RASA3: variants seen among roughly 807,000 people sequenced by gnomAD.
RASA3 encodes ras GTPase-activating protein 3.
RASA3 carries 73 observed loss-of-function variants against 110.0 expected under a neutral mutation model. The observed-to-expected ratio is 0.66, with a 90% CI of 0.55 to 0.81. The LOEUF (loss-of-function observed/expected upper bound fraction) is 0.81, where lower values mean the gene tolerates loss of function less well. Among genes scored for constraint, RASA3 ranks in the 30% least tolerant of loss-of-function variants. The probability of loss-of-function intolerance (pLI) is 0.00; values close to 1 mark genes in which losing one functional copy is unlikely to be tolerated. For missense variants in RASA3, 976 were observed against 1,113.2 expected, an observed-to-expected ratio of 0.88 and a Z score of 1.75; for synonymous variants, 500 against 451.4, an observed-to-expected ratio of 1.11 and a Z score of -1.37.
At chr13:113,995,877 G>A (rs796503040) in intron 21 of RASA3, among the ~76,000 whole-genome samples, 2 of 45,622 alleles carry the variant, frequency 4.4e-5, no homozygotes, top group Admixed American at 2.1e-4. Context: ...GGGGAGGCCC[G>A]GCTGATGGGG....
chr13:113,991,176 T>C (rs7983910), intron 22 of RASA3, among the ~76,000 whole-genome samples: 203 of 12,008 alleles, frequency 0.017, no homozygotes, highest in African/African-American at 0.085. Context: ...TGGGCAGCTG[T>C]GCGGACACCC....
chr13:114,115,858 T>G lies in RASA3; in HGVS notation c.55+16577A>C, dbSNP rs544432141. On this transcript the variant is annotated intron_variant, in intron 1 of 23. Coordinates refer to ENST00000334062, the MANE Select transcript of RASA3 (RefSeq NM_007368.4). The surrounding 1 kb of genome is among the most constrained non-coding windows in gnomAD (Gnocchi z 5.0). ...GTGAAGCTGTATTTAAATGTGAGATTATTCTTCTTGGTTAATATTTTACTT... is the reference window on the plus strand; with the variant it reads ...GTGAAGCTGTATTTAAATGTGAGATGATTCTTCTTGGTTAATATTTTACTT... Among the ~76,000 whole-genome samples the G allele has an allele frequency of 3.9e-5, 6 of 152,324 alleles. No homozygotes were observed. Among genetic ancestry groups the G allele is most frequent in the Admixed American group, 3.3e-4 (5 of 15,310 alleles).
At chr13:114,045,300 T>C (rs1440969299) in intron 3 of RASA3, among the ~76,000 whole-genome samples, 2 of 152,200 alleles carry the variant, frequency 1.3e-5, no homozygotes. Context: ...GGGCCTCCCT[T>C]TCTCACTTGG....
At chr13:114,026,278 C>A (rs1371879473) in intron 7 of RASA3, among the ~76,000 whole-genome samples, 2 of 152,220 alleles carry the variant, frequency 1.3e-5, no homozygotes, top group Non-Finnish European at 2.9e-5. Context: ...GCGGGGGGAG[C>A]TGCCACCTGG....
intron 1 of RASA3, among the ~76,000 whole-genome samples, chr13:114,130,492 C>G (rs1007395120): frequency 3.3e-5 from 5 of 152,228 alleles, no homozygotes; most frequent in Non-Finnish European, 7.3e-5. Flanking sequence ...GTTGTGGCAT[C>G]TCCAAACCTC....
chr13:114,043,106 G>A (rs1206430881), intron 3 of RASA3, among the ~76,000 whole-genome samples: 3 of 151,768 alleles, frequency 2.0e-5, no homozygotes, highest in East Asian at 1.9e-4. Flanking sequence ...GTGGGCCTGG[G>A]CCACCAGGCC....
At position 114,115,373 on chromosome 13, in the gene RASA3, G is replaced by A. The variant is rs1248902684; in HGVS notation, c.55+17062C>T. ...AGTCACACCGACCCTTGGCCCGGGC[G>A]AGGCCACGTGTCCCACAAAACATAA... On this transcript the variant is annotated intron_variant, in intron 1 of 23. Coordinates refer to ENST00000334062, the MANE Select transcript of RASA3 (RefSeq NM_007368.4). The surrounding 1 kb of genome is among the most constrained non-coding windows in gnomAD (Gnocchi z 5.0). Among the ~76,000 whole-genome samples, 1 of 152,228 alleles carries A rather than the reference G, an allele frequency of 6.6e-6. No individual in the cohort carries two copies. Among genetic ancestry groups the A allele is most frequent in the African/African-American group, 2.4e-5 (1 of 41,458 alleles).
At chr13:114,083,283 T>C (rs2139699167) in intron 1 of RASA3, among the ~76,000 whole-genome samples, 1 of 152,394 alleles carries the variant, frequency 6.6e-6, no homozygotes, top group South Asian at 2.1e-4. Flanking sequence ...CAAGATTAGA[T>C]GATCAACAAA....
intron 21 of RASA3, among the ~76,000 whole-genome samples, chr13:113,995,598 GCTGATGGGGGGCCCTGCTGATGGGGGGC>G (rs1409057855): frequency 5.3e-5 from 8 of 152,112 alleles, no homozygotes; most frequent in Admixed American, 1.3e-4. Flanking sequence ...CAGAGGCCCG[GCTGATGGGGGGCCCTGCTGATGGGGGGC>G]CTGACAGGGG....
Position 114,020,029 on chromosome 13 carries a change from T to C in RASA3, c.786-1110A>G, listed in dbSNP as rs373645255. ...CCTGTGTCCGAGGCATTAGCAGCCCTGTCAGGTGGGTGGAGCCTGTGTCCG... is the reference window on the plus strand; with the variant it reads ...CCTGTGTCCGAGGCATTAGCAGCCCCGTCAGGTGGGTGGAGCCTGTGTCCG... On this transcript the variant is annotated intron_variant, in intron 9 of 23. Coordinates refer to ENST00000334062, the MANE Select transcript of RASA3 (RefSeq NM_007368.4). 3.1e-3 allele frequency among the ~76,000 whole-genome samples: 70 copies of C among 22,344 alleles called. 9 individuals carry two copies. The highest frequency in any genetic ancestry group is 8.8e-3 in the African/African-American group (18 of 2,034). The allele number at this position is 22,344 out of a possible 152,430, so 14.7% of individuals were successfully genotyped here. A position where few individuals can be genotyped will look rare whatever the true frequency, so the allele number is the denominator to read the frequency against.
chr13:114,027,033 C>T (rs1351562397), intron 7 of RASA3, among the ~76,000 whole-genome samples: 1 of 152,254 alleles, frequency 6.6e-6, no homozygotes, highest in Non-Finnish European at 1.5e-5. Flanking sequence ...AACAAAAACC[C>T]CCAAGGTCCT....
chr13:114,044,660 C>T (rs1039430236), intron 3 of RASA3, among the ~76,000 whole-genome samples: 21 of 147,698 alleles, frequency 1.4e-4, no homozygotes, highest in Non-Finnish European at 1.9e-4. Context: ...TCCCCCACAA[C>T]ACGAACCTCA....
At chr13:114,044,733 A>G (rs903206369) in intron 3 of RASA3, among the ~76,000 whole-genome samples, 2 of 151,212 alleles carry the variant, frequency 1.3e-5, no homozygotes, top group African/African-American at 4.9e-5. Flanking sequence ...TGAGTTGGGC[A>G]ATATATTTCA....
chr13:114,055,157 G>T (rs2079221323), intron 2 of RASA3, among the ~76,000 whole-genome samples: 1 of 152,210 alleles, frequency 6.6e-6, no homozygotes, highest in Non-Finnish European at 1.5e-5. Flanking sequence ...TGTGCCCACA[G>T]GCACGTGTGC....
chr13:114,000,951 G>T lies in RASA3; in HGVS notation c.1743-19C>A, dbSNP rs199656007. On this transcript the variant is annotated intron_variant, in intron 18 of 23. Transcript: ENST00000334062. Reference sequence around the variant, plus strand: ...CATGAACCTGTGTGAAGAGCACACAGGGCCGGGGTCCGGGCCTCAGCTGCC... The same window carrying T: ...CATGAACCTGTGTGAAGAGCACACATGGCCGGGGTCCGGGCCTCAGCTGCC... 15 of 1,576,034 alleles carry T rather than the reference G, an allele frequency of 9.5e-6. No individual in the cohort carries two copies. In the East Asian group the frequency reaches 3.4e-4, roughly 35 times the overall value.
intron 18 of RASA3, among the ~76,000 whole-genome samples, chr13:114,005,515 G>A (rs1232650909): frequency 2.0e-5 from 3 of 152,054 alleles, no homozygotes; most frequent in East Asian, 1.9e-4. Flanking sequence ...GGCTGAAGGC[G>A]CAGGGGCCAG....
At chr13:114,021,666 G>A (rs1037057050) in intron 8 of RASA3, among the ~76,000 whole-genome samples, 158 bp from the exon 9 acceptor site, 4 of 152,188 alleles carry the variant, frequency 2.6e-5, no homozygotes, top group African/African-American at 4.8e-5. Context: ...TTTCAAACAC[G>A]TCAGACCAGC....
chr13:114,097,905 C>G (rs980428679), intron 1 of RASA3, among the ~76,000 whole-genome samples: 3 of 152,202 alleles, frequency 2.0e-5, no homozygotes, highest in Admixed American at 6.5e-5. Context: ...GCACGCCGTG[C>G]AGCAGTGCAG....
chr13:114,100,107 C>T (rs1163339967), intron 1 of RASA3, among the ~76,000 whole-genome samples: 1 of 150,618 alleles, frequency 6.6e-6, no homozygotes, highest in Non-Finnish European at 1.5e-5. Flanking sequence ...ACCACACTGC[C>T]ACACCTGAAC....
Sources: allele counts gnomAD v4.1 joint callset (sites outside exome capture counted in the v4.1 genomes callset), GRCh38; gene constraint gnomAD v4.1.1; non-coding constraint Gnocchi (gnomAD v3.1); transcripts MANE v1.5; gene names NCBI Gene and HGNC (gene_info 2026-07-23, HGNC 2026-07-21).